The following LAMP1 variants were observed in gnomAD, a reference collection of about 807,000 sequenced individuals.
The protein encoded by LAMP1 is lysosome-associated membrane glycoprotein 1.
Under a neutral mutation model 37.5 loss-of-function variants are expected in LAMP1, and 7 were observed. That is an observed-to-expected ratio of 0.19 (90% CI 0.11 to 0.35). The LOEUF (loss-of-function observed/expected upper bound fraction) is 0.35, where lower values mean the gene tolerates loss of function less well. LAMP1 is among the 10% of genes least tolerant of loss of function. The pLI is 1.00. For missense variants in LAMP1, 537 were observed against 552.8 expected (o/e 0.97, Z 0.29); for synonymous variants, 236 against 229.1 (o/e 1.03, Z -0.27).
intron 1 of LAMP1, among the ~76,000 whole-genome samples, chr13:113,303,378 C>T (rs970401855): frequency 3.9e-5 from 6 of 152,192 alleles, no homozygotes; most frequent in Admixed American, 3.3e-4. Flanking sequence ...TGGTCCTGTT[C>T]GTGTCTGAGT....
chr13:113,314,086 A>C (rs1422151897), intron 4 of LAMP1, among the ~76,000 whole-genome samples: 2 of 42,264 alleles, frequency 4.7e-5, no homozygotes, highest in South Asian at 1.3e-3. Flanking sequence ...CCTGGAGGGA[A>C]CCAGTGTGGA....
In LAMP1 at chr13:113,309,755, C is replaced by G. The variant is rs755705842; in HGVS notation, c.296C>G (p.Thr99Arg). 3 of 1,614,080 alleles carry G rather than the reference C, an allele frequency of 1.9e-6. No homozygotes were observed. Among genetic ancestry groups the G allele is most frequent in the Non-Finnish European group, 1.7e-6 (2 of 1,179,936 alleles). ...GTGATTGCTTTTGGAAGAGGACATA[C>G]ACTCACTCTCAATTTCACGAGAAAT... ...SLVIAFGRGH[T>R]LTLNFTRNAT... is the part of the protein sequence containing the mutation. Residue 99 changes from threonine (T) to arginine (R), a missense_variant, in exon 3 of 9, where the codon ACA (threonine) becomes AGA (arginine). Transcript: ENST00000332556.
intron 8 of LAMP1, chr13:113,322,024 G>A: frequency 1.7e-6 from 1 of 583,476 alleles, no homozygotes; most frequent in Non-Finnish European, 3.0e-6. Context: ...GATGTGCACA[G>A]AGGCCCTGGA....
intron 1 of LAMP1, among the ~76,000 whole-genome samples, chr13:113,303,704 C>G (rs2042585159): frequency 6.6e-6 from 1 of 152,154 alleles, no homozygotes; most frequent in Non-Finnish European, 1.5e-5. Context: ...CTGGGTCTCT[C>G]CAGAGTAATA....
intron 1 of LAMP1, among the ~76,000 whole-genome samples, chr13:113,298,681 T>C (rs2042555242): frequency 6.6e-6 from 1 of 152,236 alleles, no homozygotes; most frequent in Non-Finnish European, 1.5e-5. Context: ...AGAGATGAAC[T>C]TATTCCAATA....
Position 113,321,539 on chromosome 13 carries a change from C to T in LAMP1, c.944-18C>T. On this transcript the variant is annotated intron_variant, in intron 7 of 8. Transcript: ENST00000332556. This position sits in a 1 kb window ranked among gnomAD's most constrained non-coding sequence, Gnocchi z 5.6. ...CCCAGGGTATTCTGGAGCCACTAGA[C>T]CTCTGTGTGTGTTGCAGACCCTGCC... 1 of 1,614,096 alleles carries T rather than the reference C, an allele frequency of 6.2e-7. No homozygotes were observed. The highest frequency in any genetic ancestry group is 1.3e-5 in the African/African-American group (1 of 75,038).
Position 113,322,329 on chromosome 13 carries a change from G to A in LAMP1, c.1162G>A (p.Val388Met). ...DENSMLIPIA[V>M]GGALAGLVLI... ...GAACAGCATGCTGATCCCCATCGCT[G>A]TGGGTGGTGCCCTGGCGGGGCTGGT... The change falls in exon 9 of 9, where the codon GTG becomes ATG. Residue 388 changes from valine (V) to methionine (M), a missense_variant. Val to Met is a conservative substitution (Grantham distance 21). Transcript: ENST00000332556. The A allele has an allele frequency of 3.1e-6, 5 of 1,613,934 alleles. No individual in the cohort carries two copies. Among genetic ancestry groups the A allele is most frequent in the Non-Finnish European group, 4.2e-6 (5 of 1,179,970 alleles).
intron 1 of LAMP1, among the ~76,000 whole-genome samples, chr13:113,298,412 C>T (rs566398413): frequency 1.3e-5 from 2 of 152,152 alleles, no homozygotes; most frequent in South Asian, 4.2e-4. Context: ...CCTCCTCCCC[C>T]CGCCGCCCTC....
intron 2 of LAMP1, among the ~76,000 whole-genome samples, chr13:113,307,957 CAAAAA>C (rs56212251): frequency 1.7e-5 from 1 of 59,900 alleles, no homozygotes; most frequent in Non-Finnish European, 3.3e-5. Context: ...AGACCATCTC[CAAAAA>C]AAAAAAAAAA....
At chr13:113,308,614 C>T (rs190810162) in intron 2 of LAMP1, among the ~76,000 whole-genome samples, 3 of 152,244 alleles carry the variant, frequency 2.0e-5, no homozygotes, top group East Asian at 1.9e-4. Flanking sequence ...CGTGGCCCAG[C>T]GTACCTGGTC....
intron 4 of LAMP1, among the ~76,000 whole-genome samples, chr13:113,318,937 C>T (rs553893854): frequency 2.6e-5 from 4 of 152,318 alleles, no homozygotes; most frequent in South Asian, 2.1e-4. Context: ...CCCACCTGGC[C>T]GGTCTGTGTG....
At chr13:113,301,689 A>T (rs1595456749) in intron 1 of LAMP1, among the ~76,000 whole-genome samples, 1 of 138,400 alleles carries the variant, frequency 7.2e-6, no homozygotes, top group Non-Finnish European at 1.5e-5. Context: ...ATATATATAT[A>T]TATTTACACA....
At chr13:113,310,937 C>A in intron 4 of LAMP1, 70 bp downstream of exon 4, 1 of 1,321,342 alleles carries the variant, frequency 7.6e-7, no homozygotes, top group Non-Finnish European at 1.1e-6. Context: ...TGCGGGTGAC[C>A]TCACTGCTCT....
chr13:113,298,613 C>A (rs1379174380), intron 1 of LAMP1, among the ~76,000 whole-genome samples: 2 of 152,182 alleles, frequency 1.3e-5, no homozygotes, highest in African/African-American at 4.8e-5. Context: ...ATCTTGGCTT[C>A]CCTTTTTTGT....
At chr13:113,302,620 G>A (rs1387997842) in intron 1 of LAMP1, among the ~76,000 whole-genome samples, 1 of 151,848 alleles carries the variant, frequency 6.6e-6, no homozygotes, top group Admixed American at 6.6e-5. Context: ...AAGAGACAAG[G>A]TCTTGCTGTG....
intron 1 of LAMP1, among the ~76,000 whole-genome samples, chr13:113,302,378 C>T (rs1371208954): frequency 2.0e-5 from 3 of 151,414 alleles, no homozygotes; most frequent in Admixed American, 2.0e-4. Flanking sequence ...TTAGTAGAGA[C>T]GGGGTTTCAC....
intron 4 of LAMP1, among the ~76,000 whole-genome samples, chr13:113,317,033 G>A (rs1426429392): frequency 6.6e-6 from 1 of 152,204 alleles, no homozygotes; most frequent in Non-Finnish European, 1.5e-5. Context: ...GAACCTGGGT[G>A]CAAACCAATC....
intron 1 of LAMP1, among the ~76,000 whole-genome samples, chr13:113,300,532 T>C (rs2042565703): frequency 6.8e-6 from 1 of 146,658 alleles, no homozygotes; most frequent in Non-Finnish European, 1.5e-5. Context: ...AAAAGCTGGG[T>C]GTGGTGGCTC....
In LAMP1 at chr13:113,321,479, C is replaced by T; in HGVS notation, c.943+9C>T. The T allele has an allele frequency of 6.2e-7, 1 of 1,613,924 alleles. No homozygotes were observed. The highest frequency in any genetic ancestry group is 1.1e-5 in the South Asian group (1 of 91,080). ...TCTTCCTGACGCCAGAGGTGAGAACCCACAATCTCTGCGAGCCCCGCCCCC... is the reference window on the plus strand; with the variant it reads ...TCTTCCTGACGCCAGAGGTGAGAACTCACAATCTCTGCGAGCCCCGCCCCC... On this transcript the variant is annotated intron_variant, in intron 7 of 8. Transcript: ENST00000332556. This position sits in a 1 kb window ranked among gnomAD's most constrained non-coding sequence, Gnocchi z 5.6.
Sources: allele counts gnomAD v4.1 joint callset (sites outside exome capture counted in the v4.1 genomes callset), GRCh38; gene constraint gnomAD v4.1.1; non-coding constraint Gnocchi (gnomAD v3.1); transcripts MANE v1.5; gene names NCBI Gene and HGNC (gene_info 2026-07-23, HGNC 2026-07-21).